Variants in CTNNA2 observed in about 807,000 individuals in gnomAD.
CTNNA2 encodes catenin alpha 2.
Under a neutral mutation model 101.0 loss-of-function variants are expected in CTNNA2, and 42 were observed. The observed-to-expected ratio is 0.42, with a 90% CI of 0.32 to 0.54. CTNNA2 has a LOEUF of 0.54. Ranked by LOEUF, CTNNA2 falls within the 20% of genes least tolerant of loss-of-function variation. The pLI is 0.14. For synonymous variants in CTNNA2, 450 were observed against 456.4 expected, an observed-to-expected ratio of 0.99 and a Z score of 0.18; for missense variants, 871 against 1,223.1, an observed-to-expected ratio of 0.71 and a Z score of 4.29.
intron 2 of CTNNA2, among the ~76,000 whole-genome samples, chr2:79,718,345 T>C (rs1290528047): frequency 6.6e-6 from 1 of 152,244 alleles, no homozygotes; most frequent in African/African-American, 2.4e-5. Context: ...AGACTTATAA[T>C]ATGCTTAGCA....
chr2:80,227,293 A>G (rs572232968), intron 7 of CTNNA2, among the ~76,000 whole-genome samples: 4 of 152,260 alleles, frequency 2.6e-5, no homozygotes, highest in African/African-American at 9.6e-5. Flanking sequence ...TTGAATACTT[A>G]CCAAGTGTCA....
intron 2 of CTNNA2, chr2:79,312,664 T>C (rs1363557373): frequency 1.3e-5 from 2 of 152,216 alleles, no homozygotes; most frequent in African/African-American, 4.8e-5. Flanking sequence ...GTAATACAGG[T>C]GTTCCACACC....
At chr2:80,593,229 T>A (rs1394264428) in intron 15 of CTNNA2, among the ~76,000 whole-genome samples, 1 of 152,156 alleles carries the variant, frequency 6.6e-6, no homozygotes, top group Non-Finnish European at 1.5e-5. Context: ...GGGTCGCAAT[T>A]TTAAAATGGG....
intron 9 of CTNNA2, among the ~76,000 whole-genome samples, chr2:80,511,756 G>A (rs1298111108): frequency 6.6e-6 from 1 of 152,090 alleles, no homozygotes; most frequent in African/African-American, 2.4e-5. Flanking sequence ...AATAGTGATA[G>A]GATATTTCTG....
At chr2:80,051,411 A>T (rs1696869260) in intron 7 of CTNNA2, among the ~76,000 whole-genome samples, 1 of 152,222 alleles carries the variant, frequency 6.6e-6, no homozygotes, top group Admixed American at 6.5e-5. Context: ...TCAAGCAAAT[A>T]ATAGCAATAT....
chr2:80,421,639 A>G (rs1680534235), intron 9 of CTNNA2, among the ~76,000 whole-genome samples: 1 of 152,110 alleles, frequency 6.6e-6, no homozygotes, highest in Non-Finnish European at 1.5e-5. Flanking sequence ...CATTTCAGAA[A>G]ACTGCACTTT....
intron 1 of CTNNA2, among the ~76,000 whole-genome samples, chr2:79,551,035 G>A (rs1486548311): frequency 6.6e-6 from 1 of 152,164 alleles, no homozygotes; most frequent in African/African-American, 2.4e-5. Flanking sequence ...TATTACTGTA[G>A]GAAGTGAGAA....
At chr2:80,516,473 CT>C (rs1689117268) in intron 9 of CTNNA2, among the ~76,000 whole-genome samples, 1 of 152,178 alleles carries the variant, frequency 6.6e-6, no homozygotes, top group Non-Finnish European at 1.5e-5. Context: ...CCCATTAATG[CT>C]CCCCATCTGG....
chr2:79,647,811 G>A (rs1315787993), intron 1 of CTNNA2, among the ~76,000 whole-genome samples: 1 of 152,216 alleles, frequency 6.6e-6, no homozygotes, highest in East Asian at 1.9e-4. Context: ...TGATGGTTTG[G>A]TTGGGAGTTG....
intron 2 of CTNNA2, among the ~76,000 whole-genome samples, chr2:79,698,743 T>C (rs1052247765): frequency 6.6e-6 from 1 of 152,050 alleles, no homozygotes; most frequent in South Asian, 2.1e-4. Context: ...ATGTTGCATA[T>C]GGGTGCATGG....
intron 7 of CTNNA2, among the ~76,000 whole-genome samples, chr2:79,994,414 C>T (rs1441993400): frequency 6.6e-6 from 1 of 152,144 alleles, no homozygotes; most frequent in Non-Finnish European, 1.5e-5. Flanking sequence ...TCCCCCAGCT[C>T]ATAGACATTC....
rs947228836 is a variant in CTNNA2 at position 79,620,854 on chromosome 2, A to C, written c.-5-30698A>C. Among the ~76,000 whole-genome samples, 10 of 152,298 alleles carry C rather than the reference A, an allele frequency of 6.6e-5. No homozygotes were observed. In the South Asian group the frequency reaches 1.0e-3, roughly 16 times the overall value. ...GGAGCCAGACTTGGACAGTATAAAA[A>C]TCCCGGTTATAAAAAGCTGACTAGA... is the stretch of plus-strand genomic sequence containing the variant. On this transcript the variant is annotated intron_variant, in intron 1 of 18. Transcript: ENST00000402739.
intron 4 of CTNNA2, among the ~76,000 whole-genome samples, chr2:79,468,880 G>A (rs925038550): frequency 1.3e-4 from 20 of 152,312 alleles, no homozygotes; most frequent in African/African-American, 4.6e-4. Flanking sequence ...ATTGAAAGCA[G>A]TGTGTAGAGG....
At chr2:79,628,448 CA>C (rs113543784) in intron 1 of CTNNA2, among the ~76,000 whole-genome samples, 8,412 of 120,866 alleles carry the variant, frequency 0.07, 252 homozygotes, top group Non-Finnish European at 0.083. Context: ...ATGAGACTGT[CA>C]AAAAAAAAAA....
chr2:79,286,542 G>A (rs1383657612), intron 2 of CTNNA2, among the ~76,000 whole-genome samples: 1 of 151,878 alleles, frequency 6.6e-6, no homozygotes, highest in Admixed American at 6.6e-5. Context: ...TGAAATTCTG[G>A]GTTGAAAATT....
At chr2:80,257,881 T>G (rs1672296650) in intron 7 of CTNNA2, among the ~76,000 whole-genome samples, 2 of 152,212 alleles carry the variant, frequency 1.3e-5, no homozygotes, top group African/African-American at 2.4e-5. Flanking sequence ...CCACTTGCTT[T>G]CTGAATTTTA....
rs1017987029 is a variant in CTNNA2, at chr2:79,850,157, C to A, written c.299-7856C>A. On this transcript the variant is annotated intron_variant, in intron 3 of 18. Coordinates refer to ENST00000402739, the MANE Select transcript of CTNNA2 (RefSeq NM_001282597.3). ...AGGTCCTTGTTCCTTCCCTTCCTCC[C>A]TCCTACCCTCCCTTCCTCCATCCTT... Among the ~76,000 whole-genome samples, 4 of 152,038 alleles carry A rather than the reference C, an allele frequency of 2.6e-5. No homozygotes were observed. In the South Asian group the frequency reaches 8.3e-4, roughly 32 times the overall value.
At position 79,747,056 on chromosome 2, in the gene CTNNA2, C is replaced by T. The variant is rs1484388349; in HGVS notation, c.298+2474C>T. Among the ~76,000 whole-genome samples, 3 of 152,198 alleles carry T rather than the reference C, an allele frequency of 2.0e-5. 1 individual carries two copies. In the South Asian group the frequency reaches 6.2e-4, roughly 31 times the overall value. On this transcript the variant is annotated intron_variant, in intron 3 of 18. Transcript: ENST00000402739. ...TTAGTACCTGGAAACACCAACCCTC[C>T]TTCCACACTAACAAATACTGTTCCC...
intron 7 of CTNNA2, among the ~76,000 whole-genome samples, chr2:80,086,899 G>A (rs908049878): frequency 3.3e-5 from 5 of 152,118 alleles, no homozygotes; most frequent in Middle Eastern, 3.4e-3. Context: ...CTGGGAGGCC[G>A]CAGTTACCAG....
Sources: gnomAD v4.1 joint callset for allele counts (sites outside exome capture counted in the v4.1 genomes callset) on GRCh38, gnomAD v4.1.1 for gene constraint, MANE v1.5 for transcripts, NCBI Gene and HGNC (gene_info 2026-07-23, HGNC 2026-07-21) for gene names.